The following EIF2AK1 variants were observed in gnomAD, a reference collection of about 807,000 sequenced individuals.
EIF2AK1 encodes the protein eukaryotic translation initiation factor 2 alpha kinase 1, also known as eukaryotic translation initiation factor 2-alpha kinase 1.
A neutral mutation model predicts 77.9 loss-of-function variants in EIF2AK1; 54 were observed. The ratio of observed to expected loss-of-function variants is 0.69; its 90% CI spans 0.56 to 0.87. The LOEUF is 0.87. Ranked by LOEUF, EIF2AK1 falls within the 40% of genes least tolerant of loss-of-function variation. The pLI is 0.00. For synonymous variants in EIF2AK1, 314 were observed against 290.5 expected (o/e 1.08, Z -0.82); for missense variants, 810 against 768.6 (o/e 1.05, Z -0.64).
rs1787968970 is a variant in EIF2AK1 at position 6,033,257 on chromosome 7, A to G, written c.1332+4167T>C. 1.3e-5 allele frequency among the ~76,000 whole-genome samples: 2 copies of G among 152,090 alleles called. No homozygotes were observed. Among genetic ancestry groups the G allele is most frequent in the Admixed American group, 1.3e-4 (2 of 15,256 alleles). On this transcript the variant is annotated intron_variant, in intron 11 of 14. Coordinates refer to ENST00000199389, the MANE Select transcript of EIF2AK1 (RefSeq NM_014413.4). The surrounding 1 kb of genome is among the most constrained non-coding windows in gnomAD (Gnocchi z 4.4). ...GTGCTGGGATTAACAGCCCTCAGCC[A>G]CAGCACCCAGCTTCACTGACAATCA... is the stretch of plus-strand genomic sequence containing the variant.
chr7:6,044,934 A>G (rs1199194024), intron 6 of EIF2AK1, among the ~76,000 whole-genome samples: 2 of 152,174 alleles, frequency 1.3e-5, no homozygotes, highest in Non-Finnish European at 2.9e-5. Flanking sequence ...CATTTAAGGT[A>G]GGCAGGGTAA....
In EIF2AK1 at chr7:6,032,939, A is replaced by G. The variant is rs1460422482; in HGVS notation, c.1333-3907T>C. ...CACGGTGCTGACCCAGAAGTCAGGT[A>G]AGTTAACTCCACCGAAAATCATTTC... On this transcript the variant is annotated intron_variant, in intron 11 of 14. Coordinates refer to ENST00000199389, the MANE Select transcript of EIF2AK1 (RefSeq NM_014413.4). This position sits in a 1 kb window ranked among gnomAD's most constrained non-coding sequence, Gnocchi z 4.3. 3 of 1,547,280 alleles carry G rather than the reference A, an allele frequency of 1.9e-6. No individual in the cohort carries two copies. Among genetic ancestry groups the G allele is most frequent in the Non-Finnish European group, 2.6e-6 (3 of 1,144,212 alleles).
intron 1 of EIF2AK1, among the ~76,000 whole-genome samples, chr7:6,056,609 A>AAAAAAAAAAAAAAAAAT (rs1788772426): frequency 3.7e-5 from 1 of 26,714 alleles, no homozygotes. Flanking sequence ...AAAAAAAAAA[A>AAAAAAAAAAAAAAAAAT]AAAAATATAT....
At chr7:6,046,682 T>C (rs1172211652) in intron 5 of EIF2AK1, 4 of 200,942 alleles carry the variant, frequency 2.0e-5, no homozygotes, top group Non-Finnish European at 4.0e-5. Context: ...GGTGGGTGGA[T>C]CACGAGGTCA....
intron 14 of EIF2AK1, 42 bp from the exon 15 acceptor site, chr7:6,024,843 T>C: frequency 1.5e-6 from 2 of 1,357,238 alleles, no homozygotes; most frequent in East Asian, 2.7e-5. Context: ...AAATAACTTT[T>C]TTTTTTTTTT....
Position 6,048,793 on chromosome 7 carries a change from T to A in EIF2AK1, c.449+14A>T, listed in dbSNP as rs776852681. On this transcript the variant is annotated intron_variant, in intron 4 of 14. Coordinates refer to ENST00000199389, the MANE Select transcript of EIF2AK1 (RefSeq NM_014413.4). Reference sequence around the variant, plus strand: ...TCAATAGTCTGCATAATCAAGAAAGTTTTTCACACATACCTGATTTTCTGG... The same window carrying A: ...TCAATAGTCTGCATAATCAAGAAAGATTTTCACACATACCTGATTTTCTGG... 1 of 1,577,424 alleles carries A rather than the reference T, an allele frequency of 6.3e-7. No individual in the cohort carries two copies. Among genetic ancestry groups the A allele is most frequent in the South Asian group, 1.2e-5 (1 of 83,632 alleles).
chr7:6,040,701 G>C (rs900949490), intron 9 of EIF2AK1, among the ~76,000 whole-genome samples, 191 bp downstream of exon 9: 1 of 152,172 alleles, frequency 6.6e-6, no homozygotes, highest in African/African-American at 2.4e-5. Flanking sequence ...GCCAGAAAAG[G>C]ACGTGGAGGA....
Position 6,028,960 on chromosome 7 carries a change from T to A in EIF2AK1, c.1405A>T (p.Ile469Phe). Residue 469 changes from isoleucine to phenylalanine, a missense_variant, in exon 12 of 15, where the codon ATC becomes TTC. Ile to Phe is a conservative substitution (Grantham distance 21, BLOSUM62 0). Around this residue, in one of 3 missense-constraint regions of EIF2AK1, gnomAD observed 549 missense variants for 533.7 expected, o/e 1.03. Transcript: ENST00000199389. The part of the protein sequence containing the change: ...IGDFGLACTD[I>F]LQKNTDWTNR... Reference sequence around the variant, plus strand: ...GTCCAGTCTGTGTTCTTCTGTAGGATGTCTGTGCAGGCCAGACCAAAGTCT... The same window carrying A: ...GTCCAGTCTGTGTTCTTCTGTAGGAAGTCTGTGCAGGCCAGACCAAAGTCT... 6.2e-7 allele frequency: 1 copy of A among 1,611,098 alleles called. No individual in the cohort carries two copies. The highest frequency in any genetic ancestry group is 2.2e-5 in the East Asian group (1 of 44,898).
chr7:6,026,626 T>G (rs1307550001), intron 14 of EIF2AK1, 102 bp downstream of exon 14: 1 of 909,974 alleles, frequency 1.1e-6, no homozygotes, highest in Non-Finnish European at 1.8e-6. Context: ...ATCTGGCTCT[T>G]CCAGCCCCAG....
At chr7:6,031,687 C>A in intron 11 of EIF2AK1, 6 of 1,218,046 alleles carry the variant, frequency 4.9e-6, no homozygotes, top group Non-Finnish European at 6.9e-6. Context: ...GCTCACGGCC[C>A]TTATGAGAAT....
chr7:6,038,230 G>C (rs183103902), intron 10 of EIF2AK1, among the ~76,000 whole-genome samples: 70 of 152,216 alleles, frequency 4.6e-4, no homozygotes, highest in African/African-American at 1.6e-3. Flanking sequence ...AGGAGTTGGA[G>C]ACCAGCCTGG....
At chr7:6,040,796 C>G in intron 9 of EIF2AK1, 96 bp downstream of exon 9, 1 of 1,034,522 alleles carries the variant, frequency 9.7e-7, no homozygotes, top group Non-Finnish European at 1.4e-6. Context: ...GAACGCAGGG[C>G]AGAAGCGCCA....
Position 6,035,248 on chromosome 7 carries a change from A to G in EIF2AK1, c.1332+2176T>C, listed in dbSNP as rs1788042725. On this transcript the variant is annotated intron_variant, in intron 11 of 14. Coordinates refer to ENST00000199389, the MANE Select transcript of EIF2AK1 (RefSeq NM_014413.4). This position sits in a 1 kb window ranked among gnomAD's most constrained non-coding sequence, Gnocchi z 5.5. ...TGAAGCTAGGCCCCATCACGTAGTGATGCATCCCACCACATCCCACGAAAA... is the reference window on the plus strand; with the variant it reads ...TGAAGCTAGGCCCCATCACGTAGTGGTGCATCCCACCACATCCCACGAAAA... Among the ~76,000 whole-genome samples the G allele has an allele frequency of 6.6e-6, 1 of 152,210 alleles. No homozygotes were observed. Among genetic ancestry groups the G allele is most frequent in the Admixed American group, 6.5e-5 (1 of 15,270 alleles).
intron 8 of EIF2AK1, 68 bp from the exon 9 acceptor site, chr7:6,041,287 C>T: frequency 4.0e-6 from 6 of 1,490,584 alleles, no homozygotes; most frequent in Non-Finnish European, 5.4e-6. Context: ...GCCTGTAATC[C>T]CAGCACTTTG....
chr7:6,051,664 G>A (rs1409205597), intron 2 of EIF2AK1, among the ~76,000 whole-genome samples: 1 of 151,660 alleles, frequency 6.6e-6, no homozygotes, highest in African/African-American at 2.4e-5. Flanking sequence ...ACCTGACCTC[G>A]TGACCCGCCC....
In EIF2AK1 at chr7:6,023,810, G is replaced by A. The variant is rs1787653658; in HGVS notation, c.*863C>T. 6.3e-7 allele frequency: 1 copy of A among 1,575,516 alleles called. No individual in the cohort carries two copies. On this transcript the variant is annotated 3_prime_UTR_variant, in exon 15 of 15. Coordinates refer to ENST00000199389, the MANE Select transcript of EIF2AK1 (RefSeq NM_014413.4). ...TTTTTATTTAGGCCAGTTGTCAAGT[G>A]TCAATAAAAGCATCATGTAATTTAT...
chr7:6,054,651 T>C lies in EIF2AK1; in HGVS notation c.172A>G (p.Thr58Ala), dbSNP rs752798571. 6.9e-5 allele frequency: 112 copies of C among 1,614,024 alleles called. No individual in the cohort carries two copies. Among genetic ancestry groups the C allele is most frequent in the Non-Finnish European group, 9.2e-5 (109 of 1,180,036 alleles). Reference sequence around the variant, plus strand: ...TGGTTTGCAACTGCAAAAGGGAAGGTTGGCTGTTGTAGGGGTTCTTTTAAC... The same window carrying C: ...TGGTTTGCAACTGCAAAAGGGAAGGCTGGCTGTTGTAGGGGTTCTTTTAAC... ...QVLKEPLQQPTFPFAVANQLL... is the reference protein window; with the variant it reads ...QVLKEPLQQPAFPFAVANQLL... The change falls in exon 2 of 15, where the codon ACC becomes GCC. Residue 58 changes from threonine to alanine, a missense_variant. Physicochemically the swap from Thr to Ala is moderately conservative, Grantham distance 58. Around this residue, in one of 3 missense-constraint regions of EIF2AK1, gnomAD observed 246 missense variants for 199.0 expected, o/e 1.24. Coordinates refer to ENST00000199389, the MANE Select transcript of EIF2AK1 (RefSeq NM_014413.4).
Position 6,051,824 on chromosome 7 carries a change from T to G in EIF2AK1, c.278-1779A>C, listed in dbSNP as rs192430450. On this transcript the variant is annotated intron_variant, in intron 2 of 14. Coordinates refer to ENST00000199389, the MANE Select transcript of EIF2AK1 (RefSeq NM_014413.4). Reference sequence around the variant, plus strand: ...AGAAATAGAAAACTCTCCATTTAGATTATCAACTCACTGATTACATCAAAA... The same window carrying G: ...AGAAATAGAAAACTCTCCATTTAGAGTATCAACTCACTGATTACATCAAAA... 1.8e-4 allele frequency among the ~76,000 whole-genome samples: 27 copies of G among 152,238 alleles called. No homozygotes were observed. In the East Asian group the frequency reaches 5.0e-3, roughly 28 times the overall value.
chr7:6,025,564 G>A (rs1234888902), intron 14 of EIF2AK1, among the ~76,000 whole-genome samples: 1 of 152,224 alleles, frequency 6.6e-6, no homozygotes, highest in Non-Finnish European at 1.5e-5. Context: ...ATACAGTCAG[G>A]GAACTCTGAG....
Sources: gnomAD v4.1 joint callset for allele counts (sites outside exome capture counted in the v4.1 genomes callset) on GRCh38, gnomAD v4.1.1 for gene constraint, gnomAD v4.1.1 regional missense constraint, Gnocchi (gnomAD v3.1) non-coding constraint, MANE v1.5 for transcripts, NCBI Gene and HGNC (gene_info 2026-07-23, HGNC 2026-07-21) for gene names.